Variants in CADM2 observed in about 807,000 individuals in gnomAD.
The protein encoded by CADM2 is cell adhesion molecule 2.
CADM2 carries 12 observed loss-of-function variants against 49.8 expected under a neutral mutation model. The ratio of observed to expected loss-of-function variants is 0.24; its 90% CI spans 0.15 to 0.39. CADM2 has a LOEUF of 0.39. CADM2 is among the 10% of genes least tolerant of loss of function. The probability of loss-of-function intolerance (pLI) is 1.00; values close to 1 mark genes in which losing one functional copy is unlikely to be tolerated. For missense variants in CADM2, 378 were observed against 492.3 expected, an observed-to-expected ratio of 0.77 and a Z score of 2.20; for synonymous variants, 214 against 175.4, an observed-to-expected ratio of 1.22 and a Z score of -1.74.
At chr3:85,915,898 T>G (rs754740024) in intron 6 of CADM2, among the ~76,000 whole-genome samples, 1 of 152,104 alleles carries the variant, frequency 6.6e-6, no homozygotes, top group Non-Finnish European at 1.5e-5. Context: ...TGGAAACAGC[T>G]ATGACTACAT....
chr3:84,972,799 A>G (rs745879160), intron 1 of CADM2, among the ~76,000 whole-genome samples: 2 of 152,246 alleles, frequency 1.3e-5, no homozygotes, highest in South Asian at 2.1e-4. Flanking sequence ...GTATAAATGA[A>G]CAAGATGGAA....
rs542424403 is a variant in CADM2, at chr3:85,326,735, A to C, written c.61+367067A>C. 2.6e-5 allele frequency among the ~76,000 whole-genome samples: 4 copies of C among 152,290 alleles called. No individual in the cohort carries two copies. In the South Asian group the frequency reaches 6.2e-4, roughly 24 times the overall value. The stretch of plus-strand genomic sequence containing the variant: ...AACCCCCACCCTGCACATGGCCTAC[A>C]ATCTATTCATGTCCACATGCTTTGT... On this transcript the variant is annotated intron_variant, in intron 1 of 9. Coordinates refer to ENST00000383699, the MANE Select transcript of CADM2 (RefSeq NM_001167675.2).
chr3:85,747,182 A>G (rs2068652097), intron 2 of CADM2, among the ~76,000 whole-genome samples: 1 of 152,096 alleles, frequency 6.6e-6, no homozygotes, highest in Non-Finnish European at 1.5e-5. Flanking sequence ...AACACCAAGC[A>G]ATTTCATTTA....
chr3:85,508,779 G>T (rs368881686), intron 1 of CADM2, among the ~76,000 whole-genome samples: 1 of 152,040 alleles, frequency 6.6e-6, no homozygotes, highest in Non-Finnish European at 1.5e-5. Flanking sequence ...AAAGAACAGA[G>T]TGAATTTTCT....
At chr3:85,446,604 GTTTT>G (rs5850688) in intron 1 of CADM2, among the ~76,000 whole-genome samples, 3 of 132,016 alleles carry the variant, frequency 2.3e-5, no homozygotes, top group Non-Finnish European at 4.7e-5. Flanking sequence ...TTTGTTTTTT[GTTTT>G]TTTTTTTTTT....
At chr3:85,057,787 C>G (rs1280272286) in intron 1 of CADM2, among the ~76,000 whole-genome samples, 2 of 152,084 alleles carry the variant, frequency 1.3e-5, no homozygotes, top group Non-Finnish European at 2.9e-5. Context: ...AACTGAAGCC[C>G]TCCTTTATTG....
intron 1 of CADM2, among the ~76,000 whole-genome samples, chr3:85,158,363 A>G (rs7613894): frequency 6.6e-6 from 1 of 151,904 alleles, no homozygotes; most frequent in Non-Finnish European, 1.5e-5. Flanking sequence ...AGGACTATAA[A>G]TCATGCTGTT....
At chr3:86,011,246 A>G (rs760220869) in intron 8 of CADM2, among the ~76,000 whole-genome samples, 2 of 152,122 alleles carry the variant, frequency 1.3e-5, no homozygotes, top group Non-Finnish European at 2.9e-5. Flanking sequence ...ATGAAATACT[A>G]GCAAATAATA....
intron 2 of CADM2, among the ~76,000 whole-genome samples, chr3:85,771,996 T>A (rs919498862): frequency 2.4e-4 from 35 of 148,776 alleles, no homozygotes; most frequent in Non-Finnish European, 5.0e-4. Context: ...GTATTGTATT[T>A]TTTCTTTCTT....
Position 85,517,188 on chromosome 3 carries a change from T to TA in CADM2, c.62-209325dup, listed in dbSNP as rs547779411. Among the ~76,000 whole-genome samples, 728 of 150,972 alleles carry TA rather than the reference T, an allele frequency of 4.8e-3. 7 individuals carry two copies. Among genetic ancestry groups the TA allele is most frequent in the African/African-American group, 0.016 (668 of 41,240 alleles). On this transcript the variant is annotated intron_variant, in intron 1 of 9. Transcript: ENST00000383699. The stretch of plus-strand genomic sequence containing the variant: ...ATTATTGTGTGATGGTTAGATCTTT[T>TA]AAAAAAAAACACTAAATTTCAATTT...
At chr3:85,251,522 A>T (rs1397454039) in intron 1 of CADM2, among the ~76,000 whole-genome samples, 1 of 152,002 alleles carries the variant, frequency 6.6e-6, no homozygotes, top group Non-Finnish European at 1.5e-5. Context: ...TCAAACTCCT[A>T]AGCTGAATAT....
chr3:85,291,838 C>G lies in CADM2; in HGVS notation c.61+332170C>G, dbSNP rs902986344. Among the ~76,000 whole-genome samples, 47 of 147,898 alleles carry G rather than the reference C, an allele frequency of 3.2e-4. 4 individuals are homozygous for G. Among genetic ancestry groups the G allele is most frequent in the African/African-American group, 1.1e-3 (42 of 37,576 alleles). On this transcript the variant is annotated intron_variant, in intron 1 of 9. Coordinates refer to ENST00000383699, the MANE Select transcript of CADM2 (RefSeq NM_001167675.2). The stretch of plus-strand genomic sequence containing the variant: ...GGTACCAGCCGCTGCAAAATCATGC[C>G]AAAATGTAAAGACCATCGAGACTAG...
intron 1 of CADM2, among the ~76,000 whole-genome samples, chr3:85,018,169 A>T (rs980759243): frequency 3.9e-5 from 6 of 152,188 alleles, no homozygotes; most frequent in African/African-American, 1.4e-4. Context: ...AGAATATGTA[A>T]AGGAAATATA....
chr3:86,017,168 GTATA>G (rs138958837), intron 8 of CADM2, among the ~76,000 whole-genome samples: 26,275 of 141,310 alleles, frequency 0.19, 4,122 homozygotes, highest in African/African-American at 0.43. Flanking sequence ...GTGTGTGTGT[GTATA>G]TATATATATA....
chr3:85,717,111 A>T (rs192797423), intron 1 of CADM2, among the ~76,000 whole-genome samples: 1 of 152,130 alleles, frequency 6.6e-6, no homozygotes, highest in Non-Finnish European at 1.5e-5. Context: ...TATGATATTT[A>T]TTCTTCCTAT....
intron 1 of CADM2, among the ~76,000 whole-genome samples, chr3:85,606,754 A>G (rs2063549964): frequency 6.6e-6 from 1 of 152,104 alleles, no homozygotes; most frequent in South Asian, 2.1e-4. Context: ...GAAAAGGCAA[A>G]GTAATGGAAG....
intron 1 of CADM2, among the ~76,000 whole-genome samples, chr3:85,138,968 C>A (rs1184236038): frequency 6.6e-6 from 1 of 152,132 alleles, no homozygotes; most frequent in Admixed American, 6.6e-5. Context: ...ATGGTAGAAA[C>A]AGTGGAAGTA....
Position 85,832,049 on chromosome 3 carries a change from G to C in CADM2, c.238+29853G>C, listed in dbSNP as rs532488371. Reference sequence around the variant, plus strand: ...GTTCAGTTTCACTCTTCTGCATGTGGCTAGCTAGTTATCACAGCATCATTT... The same window carrying C: ...GTTCAGTTTCACTCTTCTGCATGTGCCTAGCTAGTTATCACAGCATCATTT... On this transcript the variant is annotated intron_variant, in intron 3 of 9. Transcript: ENST00000383699. Among the ~76,000 whole-genome samples the C allele has an allele frequency of 2.0e-5, 3 of 151,960 alleles. No homozygotes were observed. In the South Asian group the frequency reaches 6.2e-4, roughly 32 times the overall value.
intron 2 of CADM2, among the ~76,000 whole-genome samples, chr3:85,760,591 G>C (rs2069328102): frequency 6.6e-6 from 1 of 152,140 alleles, no homozygotes. Context: ...TCAGAAGTCA[G>C]TGTTCATTCA....
Sources: gnomAD v4.1 joint callset for allele counts (sites outside exome capture counted in the v4.1 genomes callset) on GRCh38, gnomAD v4.1.1 for gene constraint, MANE v1.5 for transcripts, NCBI Gene and HGNC (gene_info 2026-07-23, HGNC 2026-07-21) for gene names.